Variants in NRF1 observed in about 807,000 individuals in gnomAD.
NRF1 encodes the protein nuclear respiratory factor 1.
Under a neutral mutation model 58.5 loss-of-function variants are expected in NRF1, and 5 were observed. The ratio of observed to expected loss-of-function variants is 0.09; its 90% confidence interval spans 0.04 to 0.18. The LOEUF (loss-of-function observed/expected upper bound fraction) is 0.18. Among genes scored for constraint, NRF1 ranks in the 10% least tolerant of loss-of-function variants. The probability of loss-of-function intolerance (pLI) is 1.00; values close to 1 mark genes in which losing one functional copy is unlikely to be tolerated. For synonymous variants in NRF1, 224 were observed against 246.7 expected (o/e 0.91, Z 0.86); for missense variants, 288 against 657.7 (o/e 0.44, Z 6.15).
chr7:129,718,366 G>A (rs1803239603), intron 9 of NRF1, among the ~76,000 whole-genome samples: 1 of 152,198 alleles, frequency 6.6e-6, no homozygotes, highest in South Asian at 2.1e-4. Flanking sequence ...TAAAATGGGA[G>A]TGATAACAGT....
At chr7:129,737,383 G>T (rs910788204) in intron 10 of NRF1, among the ~76,000 whole-genome samples, 10 of 152,338 alleles carry the variant, frequency 6.6e-5, no homozygotes, top group African/African-American at 1.4e-4. Flanking sequence ...ATGGCACAAT[G>T]TGTCTTCAAA....
At chr7:129,733,196 G>A (rs574951017) in intron 10 of NRF1, among the ~76,000 whole-genome samples, 28 of 152,268 alleles carry the variant, frequency 1.8e-4, no homozygotes, top group African/African-American at 4.1e-4. Context: ...TGCCGTGTGC[G>A]GTGGCTCACG....
At chr7:129,701,451 T>G (rs1802822247) in intron 5 of NRF1, among the ~76,000 whole-genome samples, 1 of 151,674 alleles carries the variant, frequency 6.6e-6, no homozygotes, top group Non-Finnish European at 1.5e-5. Context: ...TACAAAACAA[T>G]TAGCCGGCCA....
intron 1 of NRF1, among the ~76,000 whole-genome samples, chr7:129,653,901 A>G (rs1280910792): frequency 6.6e-6 from 1 of 152,204 alleles, no homozygotes; most frequent in East Asian, 1.9e-4. Flanking sequence ...GGTGCTTCCA[A>G]GTTTGGGCAA....
chr7:129,744,706 C>T (rs796636453), intron 10 of NRF1, among the ~76,000 whole-genome samples: 14 of 152,298 alleles, frequency 9.2e-5, no homozygotes, highest in African/African-American at 3.4e-4. Flanking sequence ...CTGTCTATTT[C>T]CACTTACTGA....
At chr7:129,647,772 T>C (rs1192984582) in intron 1 of NRF1, among the ~76,000 whole-genome samples, 2 of 152,238 alleles carry the variant, frequency 1.3e-5, no homozygotes, top group African/African-American at 4.8e-5. Flanking sequence ...TAAGGAATAT[T>C]TACAAAGTTA....
At chr7:129,653,841 A>T (rs1191344709) in intron 1 of NRF1, among the ~76,000 whole-genome samples, 1 of 152,194 alleles carries the variant, frequency 6.6e-6, no homozygotes, top group Admixed American at 6.5e-5. Context: ...ATGATATTCT[A>T]TTGTCTGGAT....
intron 10 of NRF1, among the ~76,000 whole-genome samples, chr7:129,753,980 C>T (rs1484142579): frequency 1.3e-5 from 2 of 151,914 alleles, no homozygotes; most frequent in Non-Finnish European, 2.9e-5. Flanking sequence ...AGCCAAATAT[C>T]AAAGAAAAAT....
chr7:129,726,128 C>CT (rs1803448763), intron 9 of NRF1, among the ~76,000 whole-genome samples: 1 of 152,206 alleles, frequency 6.6e-6, no homozygotes, highest in Admixed American at 6.5e-5. Context: ...ACTCGACTGG[C>CT]TTATTTGTCC....
intron 5 of NRF1, among the ~76,000 whole-genome samples, chr7:129,708,369 T>G (rs1395801996): frequency 6.6e-6 from 1 of 152,256 alleles, no homozygotes; most frequent in Non-Finnish European, 1.5e-5. Flanking sequence ...TGGATTTGAT[T>G]TGTAAAATAA....
chr7:129,620,959 T>C (rs905040872), intron 1 of NRF1, among the ~76,000 whole-genome samples: 2 of 152,232 alleles, frequency 1.3e-5, no homozygotes, highest in Non-Finnish European at 2.9e-5. Context: ...TTCTGAAATA[T>C]GACGATTATG....
intron 9 of NRF1, among the ~76,000 whole-genome samples, chr7:129,719,817 C>A (rs943992654): frequency 6.6e-6 from 1 of 152,136 alleles, no homozygotes; most frequent in African/African-American, 2.4e-5. Flanking sequence ...TAACACCCCC[C>A]ATTCTCCGCC....
At chr7:129,747,240 C>T (rs765756879) in intron 10 of NRF1, among the ~76,000 whole-genome samples, 5 of 152,184 alleles carry the variant, frequency 3.3e-5, no homozygotes, top group Admixed American at 1.3e-4. Context: ...TTGACCAGTG[C>T]ACTCGATTAG....
chr7:129,723,804 GA>G (rs1461086752), intron 9 of NRF1, among the ~76,000 whole-genome samples: 21 of 152,286 alleles, frequency 1.4e-4, no homozygotes, highest in South Asian at 6.2e-4. Flanking sequence ...ACACTGTTTT[GA>G]TTACTACAGC....
intron 10 of NRF1, among the ~76,000 whole-genome samples, chr7:129,751,441 T>A (rs1474905724): frequency 1.3e-5 from 2 of 152,254 alleles, no homozygotes; most frequent in African/African-American, 2.4e-5. Context: ...AGAACCTTGC[T>A]TCATTTATTC....
At chr7:129,724,312 A>G (rs1803399996) in intron 9 of NRF1, among the ~76,000 whole-genome samples, 1 of 152,248 alleles carries the variant, frequency 6.6e-6, no homozygotes, top group Non-Finnish European at 1.5e-5. Context: ...CAGCATCACT[A>G]ATCCAAACTA....
intron 1 of NRF1, among the ~76,000 whole-genome samples, chr7:129,639,260 A>C (rs879903946): frequency 6.6e-6 from 1 of 151,744 alleles, no homozygotes; most frequent in Non-Finnish European, 1.5e-5. Context: ...GGGTTTCACT[A>C]TTTTGGCCAG....
At chr7:129,717,508 A>T in intron 9 of NRF1, 132 bp downstream of exon 9, 1 of 985,076 alleles carries the variant, frequency 1.0e-6, no homozygotes, top group South Asian at 1.9e-5. Context: ...CTTGGCCCAT[A>T]CGATATTGTA....
intron 8 of NRF1, 22 bp from the exon 9 acceptor site, chr7:129,717,197 T>C (rs1423971669): frequency 3.2e-6 from 5 of 1,555,582 alleles, no homozygotes; most frequent in Non-Finnish European, 4.3e-6. Context: ...GTTTTTTTAC[T>C]ATCTTGTCCT....
Sources: gnomAD v4.1 joint callset for allele counts (sites outside exome capture counted in the v4.1 genomes callset) on GRCh38, gnomAD v4.1.1 for gene constraint, MANE v1.5 for transcripts, NCBI Gene and HGNC (gene_info 2026-07-23, HGNC 2026-07-21) for gene names.